Variants in BACE2 observed in about 807,000 individuals in gnomAD.
The protein encoded by BACE2 is 56 kDa aspartic-like protease.
Under a neutral mutation model 46.2 loss-of-function variants are expected in BACE2, and 17 were observed. The ratio of observed to expected loss-of-function variants is 0.37; its 90% CI spans 0.25 to 0.55. BACE2 has a LOEUF of 0.55. Ranked by LOEUF, BACE2 falls within the 20% of genes least tolerant of loss-of-function variation. BACE2 has a pLI of 0.82. For missense variants in BACE2, 595 were observed against 698.1 expected, an observed-to-expected ratio of 0.85 and a Z score of 1.66; for synonymous variants, 277 against 295.9, an observed-to-expected ratio of 0.94 and a Z score of 0.66.
At chr21:41,178,010 G>C (rs1984922787) in intron 1 of BACE2, 1 of 152,168 alleles carries the variant, frequency 6.6e-6, no homozygotes, top group South Asian at 2.1e-4. Flanking sequence ...GGGACATTTT[G>C]AGTTCTCACA....
At position 41,206,728 on chromosome 21, in the gene BACE2, G is replaced by A. The variant is rs563878038; in HGVS notation, c.313-19538G>A. Among the ~76,000 whole-genome samples the A allele has an allele frequency of 5.9e-5, 9 of 152,318 alleles. No individual in the cohort carries two copies. The East Asian group carries it at 1.5e-3, about 26-fold the overall frequency. On this transcript the variant is annotated intron_variant, in intron 1 of 8. Coordinates refer to ENST00000330333, the MANE Select transcript of BACE2 (RefSeq NM_012105.5). ...GTGATGATGATGGTTACACAACAAT[G>A]TGAATGTACTTAACGCCATTGAACT...
Position 41,238,452 on chromosome 21 carries a change from C to T in BACE2, c.618+723C>T, listed in dbSNP as rs546078229. On this transcript the variant is annotated intron_variant, in intron 3 of 8. Coordinates refer to ENST00000330333, the MANE Select transcript of BACE2 (RefSeq NM_012105.5). Reference sequence around the variant, plus strand: ...ACCTGGAGGCATTGCCAAAGGCAGGCGGGAGTAGACGCTAGGGGTGTGTGC... The same window carrying T: ...ACCTGGAGGCATTGCCAAAGGCAGGTGGGAGTAGACGCTAGGGGTGTGTGC... Among the ~76,000 whole-genome samples the T allele has an allele frequency of 3.3e-5, 5 of 152,116 alleles. No individual in the cohort carries two copies. The South Asian group carries it at 8.3e-4, about 25-fold the overall frequency.
chr21:41,256,634 T>C (rs1987794497), intron 7 of BACE2, among the ~76,000 whole-genome samples: 1 of 152,158 alleles, frequency 6.6e-6, no homozygotes, highest in African/African-American at 2.4e-5. Context: ...AAATTTTTAA[T>C]TTACCTCTAG....
chr21:41,174,909 G>C (rs1984756372), intron 1 of BACE2, among the ~76,000 whole-genome samples: 1 of 152,204 alleles, frequency 6.6e-6, no homozygotes, highest in Non-Finnish European at 1.5e-5. Flanking sequence ...GGGCATACCT[G>C]TGAGGCAGGT....
intron 1 of BACE2, among the ~76,000 whole-genome samples, chr21:41,220,035 G>A (rs972828099): frequency 3.3e-5 from 5 of 152,116 alleles, no homozygotes; most frequent in East Asian, 1.9e-4. Flanking sequence ...GCTTCTGATC[G>A]ATCGGCTACA....
At chr21:41,197,739 T>C (rs1435926879) in intron 1 of BACE2, among the ~76,000 whole-genome samples, 1 of 152,226 alleles carries the variant, frequency 6.6e-6, no homozygotes. Context: ...AAGTTGACTA[T>C]TCCTAATCTC....
chr21:41,173,203 A>G (rs760457770), intron 1 of BACE2, among the ~76,000 whole-genome samples: 1 of 152,142 alleles, frequency 6.6e-6, no homozygotes, highest in African/African-American at 2.4e-5. Flanking sequence ...TAAGTTTTTC[A>G]TTCTATGGAT....
chr21:41,223,989 A>T (rs1347931533), intron 1 of BACE2, among the ~76,000 whole-genome samples: 1 of 152,070 alleles, frequency 6.6e-6, no homozygotes, highest in African/African-American at 2.4e-5. Context: ...CCTGTCCGTG[A>T]GACTAAAGTG....
chr21:41,268,964 T>G (rs1601323605), intron 8 of BACE2, among the ~76,000 whole-genome samples: 1 of 151,986 alleles, frequency 6.6e-6, no homozygotes, highest in South Asian at 2.1e-4. Flanking sequence ...TCTCTTTTCT[T>G]TTTTTTTGAG....
chr21:41,182,580 A>C (rs533830820), intron 1 of BACE2: 12 of 167,204 alleles, frequency 7.2e-5, no homozygotes, highest in African/African-American at 2.9e-4. Flanking sequence ...ACAGCAGCTC[A>C]ACACATAAAA....
At chr21:41,269,871 G>A (rs2088417449) in intron 8 of BACE2, among the ~76,000 whole-genome samples, 1 of 152,124 alleles carries the variant, frequency 6.6e-6, no homozygotes, top group Non-Finnish European at 1.5e-5. Context: ...GAGTAGAATC[G>A]TTGAGTTACA....
chr21:41,239,939 T>A (rs1448946432), intron 3 of BACE2, among the ~76,000 whole-genome samples: 1 of 152,244 alleles, frequency 6.6e-6, no homozygotes, highest in Non-Finnish European at 1.5e-5. Context: ...AGAGTAAACC[T>A]AAATTGCCTG....
intron 1 of BACE2, chr21:41,183,558 A>G (rs1985229210): frequency 6.0e-6 from 1 of 166,826 alleles, no homozygotes; most frequent in African/African-American, 2.4e-5. Flanking sequence ...AGGACAGGGA[A>G]TCCCATAGCA....
intron 5 of BACE2, among the ~76,000 whole-genome samples, chr21:41,243,884 T>C (rs1453122321): frequency 6.7e-6 from 1 of 149,980 alleles, no homozygotes; most frequent in African/African-American, 2.5e-5. Context: ...AGGACGAAAA[T>C]TAAGCAAAAT....
At chr21:41,211,600 C>A (rs1242400779) in intron 1 of BACE2, among the ~76,000 whole-genome samples, 2 of 152,246 alleles carry the variant, frequency 1.3e-5, no homozygotes, top group Non-Finnish European at 1.5e-5. Flanking sequence ...GGGCAAACAG[C>A]CCCGCGTGGC....
At position 41,257,254 on chromosome 21, in the gene BACE2, G is replaced by C. The variant is rs1008025148; in HGVS notation, c.1231G>C (p.Val411Leu). The change falls in exon 8 of 9, where the codon GTG (valine) becomes CTG (leucine). Residue 411 changes from valine to leucine, a missense_variant. Transcript: ENST00000330333. Reference sequence around the variant, plus strand: ...AAATGCGCTGGTGATCGGTGCCACGGTGATGGAGGGCTTCTACGTCATCTT... The same window carrying C: ...AAATGCGCTGGTGATCGGTGCCACGCTGATGGAGGGCTTCTACGTCATCTT... The part of the protein sequence containing the change: ...STNALVIGAT[V>L]MEGFYVIFDR... 6.2e-7 allele frequency: 1 copy of C among 1,614,196 alleles called. No homozygotes were observed. The highest frequency in any genetic ancestry group is 2.2e-5 in the East Asian group (1 of 44,894).
chr21:41,260,332 A>G (rs912323895), intron 8 of BACE2, among the ~76,000 whole-genome samples: 1 of 151,688 alleles, frequency 6.6e-6, no homozygotes, highest in Non-Finnish European at 1.5e-5. Context: ...TTGTGTAGAG[A>G]TGGGGTTTTG....
chr21:41,266,296 C>T (rs577697892), intron 8 of BACE2, among the ~76,000 whole-genome samples: 23 of 152,142 alleles, frequency 1.5e-4, no homozygotes, highest in Non-Finnish European at 3.2e-4. Flanking sequence ...TTTCCATCAC[C>T]GATGGGGAGT....
intron 8 of BACE2, among the ~76,000 whole-genome samples, chr21:41,264,146 T>C (rs1195023148): frequency 5.9e-5 from 9 of 152,210 alleles, no homozygotes; most frequent in Non-Finnish European, 2.9e-5. Flanking sequence ...ATTGAGTCTT[T>C]TAAAATACTT....
Sources: gnomAD v4.1 joint callset for allele counts (sites outside exome capture counted in the v4.1 genomes callset) on GRCh38, gnomAD v4.1.1 for gene constraint, MANE v1.5 for transcripts, NCBI Gene and HGNC (gene_info 2026-07-23, HGNC 2026-07-21) for gene names.